Variants in CNTN5 observed in about 807,000 individuals in gnomAD.
CNTN5 encodes contactin-5.
CNTN5 carries 77 observed loss-of-function variants against 129.1 expected under a neutral mutation model. That is an observed-to-expected ratio of 0.60 (90% CI 0.50 to 0.72). The LOEUF (loss-of-function observed/expected upper bound fraction) is 0.72, where lower values mean the gene tolerates loss of function less well. CNTN5 is among the 30% of genes least tolerant of loss of function. The pLI is 0.00. For missense variants in CNTN5, 1,478 were observed against 1,328.8 expected, an observed-to-expected ratio of 1.11 and a Z score of -1.75; for synonymous variants, 509 against 465.6, an observed-to-expected ratio of 1.09 and a Z score of -1.20.
At chr11:100,078,952 C>A (rs1439164989) in intron 13 of CNTN5, among the ~76,000 whole-genome samples, 13 of 152,050 alleles carry the variant, frequency 8.5e-5, no homozygotes, top group Non-Finnish European at 1.3e-4. Context: ...GCTGGGGAGG[C>A]CTCAGGAAAC....
intron 1 of CNTN5, among the ~76,000 whole-genome samples, chr11:99,209,866 A>G (rs527795065): frequency 1.3e-5 from 2 of 152,294 alleles, no homozygotes; most frequent in South Asian, 4.1e-4. Flanking sequence ...TCATAGTACC[A>G]TGCATCTAAA....
chr11:100,193,800 C>T (rs1245328153), intron 15 of CNTN5, 137 bp downstream of exon 15: 1 of 688,748 alleles, frequency 1.5e-6, no homozygotes, highest in Non-Finnish European at 2.3e-6. Flanking sequence ...TTACTTTCTG[C>T]CATTATTTTA....
chr11:99,588,583 A>G (rs549347560), intron 3 of CNTN5, among the ~76,000 whole-genome samples: 1 of 152,324 alleles, frequency 6.6e-6, no homozygotes, highest in African/African-American at 2.4e-5. Flanking sequence ...TGGTGGAGGT[A>G]GGAGAATTTC....
In CNTN5 at chr11:99,465,741, G is replaced by A. The variant is rs139357076; in HGVS notation, c.-70-90404G>A. ...AGAGGTTTAGTTGGCTTATGGTGCC[G>A]CAGGCTGCACAGGAAGCATGGCTGA... On this transcript the variant is annotated intron_variant, in intron 2 of 24. Coordinates refer to ENST00000524871, the MANE Select transcript of CNTN5 (RefSeq NM_014361.4). Among the ~76,000 whole-genome samples, 446 of 152,042 alleles carry A rather than the reference G, an allele frequency of 2.9e-3. 7 individuals are homozygous for A. The highest frequency in any genetic ancestry group is 3.1e-3 in the East Asian group (16 of 5,162).
chr11:99,513,774 CA>C (rs1946935741), intron 2 of CNTN5, among the ~76,000 whole-genome samples: 1 of 151,880 alleles, frequency 6.6e-6, no homozygotes, highest in Non-Finnish European at 1.5e-5. Flanking sequence ...CATTCACTGA[CA>C]AAGCACCTGG....
intron 8 of CNTN5, among the ~76,000 whole-genome samples, chr11:100,000,406 C>G (rs191921529): frequency 6.6e-6 from 1 of 152,336 alleles, no homozygotes; most frequent in Admixed American, 6.5e-5. Flanking sequence ...AAAATAGTCT[C>G]CTTGACTCCA....
At chr11:99,655,957 CAT>C (rs958745559) in intron 3 of CNTN5, among the ~76,000 whole-genome samples, 1 of 151,936 alleles carries the variant, frequency 6.6e-6, no homozygotes, top group Non-Finnish European at 1.5e-5. Flanking sequence ...TATATACACA[CAT>C]ATATATACAC....
At chr11:99,104,593 T>A (rs980726596) in intron 1 of CNTN5, among the ~76,000 whole-genome samples, 3 of 150,900 alleles carry the variant, frequency 2.0e-5, no homozygotes, top group Non-Finnish European at 4.4e-5. Context: ...ATTCACCTGA[T>A]TTAATCTACC....
At chr11:99,303,716 C>T (rs1369729870) in intron 1 of CNTN5, among the ~76,000 whole-genome samples, 1 of 151,978 alleles carries the variant, frequency 6.6e-6, no homozygotes, top group Non-Finnish European at 1.5e-5. Flanking sequence ...GTGATTCTCA[C>T]TCTGGGGGTG....
chr11:99,599,870 A>T (rs989947956), intron 3 of CNTN5, among the ~76,000 whole-genome samples: 1 of 152,158 alleles, frequency 6.6e-6, no homozygotes, highest in Non-Finnish European at 1.5e-5. Flanking sequence ...AGTCAATAAA[A>T]CTAGATCATT....
At position 100,206,360 on chromosome 11, in the gene CNTN5, C is replaced by T. The variant is rs1948912236; in HGVS notation, c.1884+12697C>T. 2.0e-5 allele frequency among the ~76,000 whole-genome samples: 3 copies of T among 151,966 alleles called. No individual in the cohort carries two copies. The South Asian group carries it at 6.2e-4, about 32-fold the overall frequency. ...TAGTTAAACTTCATTTAATATATTACTATAGTAATTCTGTATTAAAGAGGG... is the reference window on the plus strand; with the variant it reads ...TAGTTAAACTTCATTTAATATATTATTATAGTAATTCTGTATTAAAGAGGG... On this transcript the variant is annotated intron_variant, in intron 15 of 24. Transcript: ENST00000524871.
chr11:100,287,443 G>A (rs1950823297), intron 18 of CNTN5, among the ~76,000 whole-genome samples: 1 of 150,700 alleles, frequency 6.6e-6, no homozygotes, highest in Non-Finnish European at 1.5e-5. Context: ...AGAGAGTGGG[G>A]GCCAATATTC....
chr11:99,773,599 A>T (rs1461441003), intron 3 of CNTN5, among the ~76,000 whole-genome samples: 1 of 152,116 alleles, frequency 6.6e-6, no homozygotes, highest in Non-Finnish European at 1.5e-5. Flanking sequence ...AGGAAAAAAA[A>T]TGGTCATTTT....
At chr11:99,800,294 A>G (rs559341475) in intron 3 of CNTN5, among the ~76,000 whole-genome samples, 1 of 152,148 alleles carries the variant, frequency 6.6e-6, no homozygotes, top group South Asian at 2.1e-4. Flanking sequence ...TTCTATTTTT[A>G]TTCTGTTCTC....
At chr11:100,045,203 G>A (rs1318683978) in intron 9 of CNTN5, among the ~76,000 whole-genome samples, 1 of 151,866 alleles carries the variant, frequency 6.6e-6, no homozygotes, top group Non-Finnish European at 1.5e-5. Context: ...TTCCAGCCAA[G>A]TAAATAAAGT....
At position 100,136,913 on chromosome 11, in the gene CNTN5, A is replaced by G. The variant is rs1274629142; in HGVS notation, c.1581-54213A>G. On this transcript the variant is annotated intron_variant, in intron 13 of 24. Coordinates refer to ENST00000524871, the MANE Select transcript of CNTN5 (RefSeq NM_014361.4). ...TCAAGAAAAGTCTATGGTAATGTGA[A>G]CTCCATTACCTGCAAGGAAAATTAG... Among the ~76,000 whole-genome samples the G allele has an allele frequency of 2.0e-5, 3 of 151,926 alleles. No homozygotes were observed. The East Asian group carries it at 5.8e-4, about 29-fold the overall frequency.
intron 2 of CNTN5, among the ~76,000 whole-genome samples, chr11:99,532,422 C>T (rs948955423): frequency 5.9e-5 from 9 of 151,930 alleles, no homozygotes; most frequent in South Asian, 2.1e-4. Flanking sequence ...GGGTTACTGC[C>T]GAAATGAGTT....
intron 1 of CNTN5, among the ~76,000 whole-genome samples, chr11:99,139,471 G>T (rs1859407420): frequency 6.6e-6 from 1 of 152,116 alleles, no homozygotes; most frequent in Non-Finnish European, 1.5e-5. Flanking sequence ...AATGCTAATT[G>T]AAGAGAAAAT....
Position 99,334,098 on chromosome 11 carries a change from G to A in CNTN5, c.-71+8614G>A, listed in dbSNP as rs149535527. Among the ~76,000 whole-genome samples, 58 of 151,830 alleles carry A rather than the reference G, an allele frequency of 3.8e-4. No individual in the cohort carries two copies. In the Middle Eastern group the frequency reaches 0.01, roughly 27 times the overall value. ...AAACTAAAAAGGCCAGCACATACAC[G>A]CCTTGAGTGATAAAAATCCTGTCCT... On this transcript the variant is annotated intron_variant, in intron 2 of 24. Coordinates refer to ENST00000524871, the MANE Select transcript of CNTN5 (RefSeq NM_014361.4).
Sources: allele counts gnomAD v4.1 joint callset (sites outside exome capture counted in the v4.1 genomes callset), GRCh38; gene constraint gnomAD v4.1.1; transcripts MANE v1.5; gene names NCBI Gene and HGNC (gene_info 2026-07-23, HGNC 2026-07-21).